The following KCNN3 variants were observed in gnomAD, a reference collection of about 807,000 sequenced individuals.
The protein encoded by KCNN3 is small conductance calcium-activated potassium channel protein 3.
A neutral mutation model predicts 62.9 loss-of-function variants in KCNN3; 16 were observed. The ratio of observed to expected loss-of-function variants is 0.25; its 90% CI spans 0.17 to 0.39. KCNN3 has a LOEUF of 0.39. KCNN3 is among the 10% of genes least tolerant of loss of function. The pLI is 1.00. For synonymous variants in KCNN3, 370 were observed against 389.2 expected, an observed-to-expected ratio of 0.95 and a Z score of 0.58; for missense variants, 599 against 949.4, an observed-to-expected ratio of 0.63 and a Z score of 4.85.
chr1:154,710,524 G>A (rs1452431393), intron 7 of KCNN3, among the ~76,000 whole-genome samples: 1 of 152,034 alleles, frequency 6.6e-6, no homozygotes, highest in Non-Finnish European at 1.5e-5. Context: ...GGTTATTTAC[G>A]GCTTAGTTCC....
chr1:154,746,925 C>A (rs1700950583), intron 3 of KCNN3, among the ~76,000 whole-genome samples: 1 of 152,128 alleles, frequency 6.6e-6, no homozygotes, highest in African/African-American at 2.4e-5. Context: ...GTGCATGGGT[C>A]CCCCCAACGT....
At chr1:154,863,259 C>T (rs1287882356) in intron 1 of KCNN3, among the ~76,000 whole-genome samples, 2 of 152,298 alleles carry the variant, frequency 1.3e-5, no homozygotes, top group South Asian at 4.1e-4. Context: ...AACCCATTCG[C>T]CTCCTCCGGA....
intron 5 of KCNN3, among the ~76,000 whole-genome samples, chr1:154,718,191 T>G (rs1429598862): frequency 6.6e-6 from 1 of 152,184 alleles, no homozygotes; most frequent in Non-Finnish European, 1.5e-5. Context: ...GAGAGGACCC[T>G]TTGTGAATGG....
chr1:154,824,520 G>T (rs1229895585), intron 1 of KCNN3, among the ~76,000 whole-genome samples: 1 of 152,140 alleles, frequency 6.6e-6, no homozygotes, highest in African/African-American at 2.4e-5. Flanking sequence ...ACTGTATTAG[G>T]GTAAAACAAA....
chr1:154,813,549 G>C (rs1650525804), intron 2 of KCNN3, among the ~76,000 whole-genome samples: 1 of 152,144 alleles, frequency 6.6e-6, no homozygotes, highest in Admixed American at 6.5e-5. Context: ...CAGGGTTCAA[G>C]GGCAGATGAC....
chr1:154,712,362 C>T (rs1167779926), intron 7 of KCNN3, among the ~76,000 whole-genome samples: 1 of 152,104 alleles, frequency 6.6e-6, no homozygotes, highest in South Asian at 2.1e-4. Context: ...TAGGAACCAC[C>T]CTGCACTCCA....
intron 1 of KCNN3, among the ~76,000 whole-genome samples, chr1:154,856,961 G>A (rs1366445484): frequency 6.6e-6 from 1 of 152,148 alleles, no homozygotes. Context: ...CGGAGGCGTG[G>A]GACACCAAGT....
In KCNN3 at chr1:154,727,999, G is replaced by A. The variant is rs764920790; in HGVS notation, c.1591-1973C>T. 7.9e-5 allele frequency among the ~76,000 whole-genome samples: 12 copies of A among 152,216 alleles called. 1 individual carries two copies. The highest frequency in any genetic ancestry group is 1.6e-4 in the Non-Finnish European group (11 of 68,046). On this transcript the variant is annotated intron_variant, in intron 4 of 7. Transcript: ENST00000271915. ...TTCTCCCTCCTCTCGCTAGGCCCAG[G>A]CAAAACTCTACTTAAATCATCCCTG...
At chr1:154,711,952 CAG>C (rs1271189293) in intron 7 of KCNN3, among the ~76,000 whole-genome samples, 3 of 148,146 alleles carry the variant, frequency 2.0e-5, no homozygotes, top group African/African-American at 5.0e-5. Flanking sequence ...AAGAGAGAGA[CAG>C]GGAAAGGGAG....
In KCNN3 at chr1:154,732,990, G is replaced by T; in HGVS notation, c.1590+13C>A. On this transcript the variant is annotated intron_variant, in intron 4 of 7. Transcript: ENST00000271915. ...ATTTTAAGGGTAGGGAATGGGGAGAGGCGGGTACTCACCATGATGCCAGTG... is the reference window on the plus strand; with the variant it reads ...ATTTTAAGGGTAGGGAATGGGGAGATGCGGGTACTCACCATGATGCCAGTG... 1.2e-6 allele frequency: 2 copies of T among 1,613,992 alleles called. No homozygotes were observed. The highest frequency in any genetic ancestry group is 1.7e-6 in the Non-Finnish European group (2 of 1,179,858).
chr1:154,725,463 G>T lies in KCNN3; in HGVS notation c.1701+453C>A, dbSNP rs1033262948. The stretch of plus-strand genomic sequence containing the variant: ...CGTATGAAGGTGCTGTTTCCATTTT[G>T]TGTCTGGGGTTCCCTCAAACACACC... On this transcript the variant is annotated intron_variant, in intron 5 of 7. Transcript: ENST00000271915. Among the ~76,000 whole-genome samples the T allele has an allele frequency of 3.3e-5, 5 of 151,874 alleles. No homozygotes were observed. In the South Asian group the frequency reaches 1.0e-3, roughly 32 times the overall value.
At chr1:154,758,484 T>G (rs1178622592) in intron 3 of KCNN3, among the ~76,000 whole-genome samples, 2 of 152,240 alleles carry the variant, frequency 1.3e-5, no homozygotes, top group African/African-American at 2.4e-5. Flanking sequence ...TGGCCCTGTC[T>G]GAGAGGGCCC....
chr1:154,709,887 GC>G (rs1158284855), intron 7 of KCNN3, among the ~76,000 whole-genome samples: 1 of 152,180 alleles, frequency 6.6e-6, no homozygotes, highest in Admixed American at 6.5e-5. Flanking sequence ...CTGGGTTGTG[GC>G]CCCCACGCTG....
chr1:154,867,059 GAGA>G (rs1369789637), intron 1 of KCNN3, among the ~76,000 whole-genome samples: 2 of 152,202 alleles, frequency 1.3e-5, no homozygotes, highest in African/African-American at 4.8e-5. Flanking sequence ...GTCACTGAAA[GAGA>G]AGGTGCTGGG....
In KCNN3 at chr1:154,839,624, T is replaced by G. The variant is rs1159625680; in HGVS notation, c.934-17440A>C. Among the ~76,000 whole-genome samples, 11 of 151,956 alleles carry G rather than the reference T, an allele frequency of 7.2e-5. No homozygotes were observed. In the South Asian group the frequency reaches 2.3e-3, roughly 32 times the overall value. On this transcript the variant is annotated intron_variant, in intron 1 of 7. Coordinates refer to ENST00000271915, the MANE Select transcript of KCNN3 (RefSeq NM_002249.6). ...GGCACAGAGAGTGCTCCACAGTGAG[T>G]GAGGGTTGCTGGACTCAGACCCCCG...
At chr1:154,759,269 A>G (rs1388509006) in intron 3 of KCNN3, among the ~76,000 whole-genome samples, 1 of 152,210 alleles carries the variant, frequency 6.6e-6, no homozygotes, top group African/African-American at 2.4e-5. Context: ...AGCCTAGGAC[A>G]CCAAACTCAT....
At chr1:154,786,855 T>C (rs766957364) in intron 2 of KCNN3, among the ~76,000 whole-genome samples, 8 of 152,260 alleles carry the variant, frequency 5.3e-5, no homozygotes, top group Non-Finnish European at 7.3e-5. Flanking sequence ...AAAAGAGCTG[T>C]CATGGAGAAA....
At chr1:154,811,698 T>G (rs2101884372) in intron 2 of KCNN3, among the ~76,000 whole-genome samples, 1 of 152,276 alleles carries the variant, frequency 6.6e-6, no homozygotes, top group South Asian at 2.1e-4. Context: ...TGAGCAGTGG[T>G]GATTTTGCCA....
rs1049155285 is a variant in KCNN3, at chr1:154,702,676, C to T, written c.*5300G>A. 5.6e-5 allele frequency: 7 copies of T among 126,032 alleles called. No individual in the cohort carries two copies. In the East Asian group the frequency reaches 7.5e-4, roughly 14 times the overall value. The allele number at this position is 126,032 out of a possible 1,614,324, so 7.8% of individuals were successfully genotyped here. A position where few individuals can be genotyped will look rare whatever the true frequency, so the allele number is the denominator to read the frequency against. On this transcript the variant is annotated 3_prime_UTR_variant, in exon 8 of 8. Coordinates refer to ENST00000271915, the MANE Select transcript of KCNN3 (RefSeq NM_002249.6). ...CTTGTCCTTCTTGAGTGAAGCTGGA[C>T]GTTGGCTGCTTCGATCTGATTCAGA...
Sources: gnomAD v4.1 joint callset for allele counts (sites outside exome capture counted in the v4.1 genomes callset) on GRCh38, gnomAD v4.1.1 for gene constraint, MANE v1.5 for transcripts, NCBI Gene and HGNC (gene_info 2026-07-23, HGNC 2026-07-21) for gene names.